The following TRPM1 variants were observed in gnomAD, a reference collection of about 807,000 sequenced individuals.
TRPM1 encodes TRPM1-203 APA Isoform, Intron 10.
In TRPM1, 113 loss-of-function variants were observed where a neutral mutation model predicts 149.4. The observed-to-expected ratio is 0.76, with a 90% CI of 0.65 to 0.88. The LOEUF (loss-of-function observed/expected upper bound fraction) is 0.88, where lower values mean the gene tolerates loss of function less well. TRPM1 is among the 40% of genes least tolerant of loss of function. The probability of loss-of-function intolerance (pLI) is 0.00; values close to 1 mark genes in which losing one functional copy is unlikely to be tolerated. For synonymous variants in TRPM1, 741 were observed against 759.5 expected (o/e 0.98, Z 0.40); for missense variants, 1,976 against 2,038.7 (o/e 0.97, Z 0.59).
chr15:31,045,896 A>C (rs530756050), intron 16 of TRPM1, among the ~76,000 whole-genome samples: 1 of 152,154 alleles, frequency 6.6e-6, no homozygotes, highest in African/African-American at 2.4e-5. Context: ...TAGTCTATTG[A>C]ATTCTTTTTG....
intron 1 of TRPM1, among the ~76,000 whole-genome samples, chr15:31,160,122 G>A (rs1015209922): frequency 5.9e-5 from 9 of 152,176 alleles, no homozygotes; most frequent in African/African-American, 2.2e-4. Context: ...GGTGTGGTCT[G>A]GGCTTGCCTC....
upstream of TRPM1, among the ~76,000 whole-genome samples, chr15:31,103,808 G>A (rs528167426): frequency 2.7e-3 from 245 of 89,666 alleles, no homozygotes; most frequent in Middle Eastern, 0.013. Context: ...GTGAGACTCT[G>A]TATCCAAAAA....
At chr15:31,012,020 T>TC (rs1475928272) in intron 27 of TRPM1, among the ~76,000 whole-genome samples, 5 of 152,132 alleles carry the variant, frequency 3.3e-5, no homozygotes, top group Non-Finnish European at 5.9e-5. Context: ...AGCTCCATCC[T>TC]CCCCCCATGT....
chr15:31,110,374 T>C (rs75476428), intron 1 of TRPM1, among the ~76,000 whole-genome samples: 1 of 152,170 alleles, frequency 6.6e-6, no homozygotes, highest in East Asian at 1.9e-4. Context: ...GGCAAAGACA[T>C]AGAGGTCTAT....
intron 1 of TRPM1, among the ~76,000 whole-genome samples, chr15:31,101,381 C>A (rs1328066431): frequency 1.3e-5 from 2 of 152,204 alleles, no homozygotes; most frequent in Non-Finnish European, 2.9e-5. Context: ...CCTCTTGGAA[C>A]CCAGGCTGAA....
rs372438509 is a variant in TRPM1, at chr15:31,047,933, C to T, written c.1579G>A (p.Gly527Ser). The change falls in exon 14 of 28, where the codon GGT becomes AGT. Residue 527 changes from glycine to serine, a missense_variant. Transcript: ENST00000256552. ...AGCAGATGAAGTGTGTTTGGTGGAC[C>T]CAGTCTCTGAAAGAGAAGCATTCAT... ...RLEELYNTRL[G>S]PPNTLHLLVR... The T allele has an allele frequency of 2.5e-6, 4 of 1,613,740 alleles. No homozygotes were observed. Among genetic ancestry groups the T allele is most frequent in the Non-Finnish European group, 3.4e-6 (4 of 1,179,816 alleles).
chr15:31,099,115 C>A (rs1297844343), intron 1 of TRPM1, among the ~76,000 whole-genome samples: 1 of 152,178 alleles, frequency 6.6e-6, no homozygotes, highest in African/African-American at 2.4e-5. Context: ...AAATCTCTTT[C>A]CTGGACTCTG....
At chr15:31,097,155 C>G (rs977995161) in intron 1 of TRPM1, among the ~76,000 whole-genome samples, 2 of 152,180 alleles carry the variant, frequency 1.3e-5, no homozygotes, top group Non-Finnish European at 2.9e-5. Context: ...CTTATCTAGA[C>G]AAGGTGTGTG....
chr15:31,013,155 T>C (rs542415301), intron 27 of TRPM1, among the ~76,000 whole-genome samples: 1 of 151,702 alleles, frequency 6.6e-6, no homozygotes, highest in Non-Finnish European at 1.5e-5. Context: ...TGCCATGATA[T>C]GCACCACCAT....
At chr15:31,030,601 G>A (rs1165912894) in intron 23 of TRPM1, among the ~76,000 whole-genome samples, 1 of 152,168 alleles carries the variant, frequency 6.6e-6, no homozygotes, top group Non-Finnish European at 1.5e-5. Context: ...AGAAGAGGAT[G>A]GTGGGAAGTA....
Position 31,002,497 on chromosome 15 carries a change from T to C in TRPM1, c.4203A>G (p.Pro1401=), listed in dbSNP as rs1595968009. The C allele has an allele frequency of 1.2e-6, 2 of 1,614,214 alleles. No individual in the cohort carries two copies. The highest frequency in any genetic ancestry group is 1.7e-6 in the Non-Finnish European group (2 of 1,180,026). The change falls in exon 28 of 28, where the codon CCA becomes CCG. Residue 1401 remains proline, a synonymous_variant. Transcript: ENST00000256552. The part of the protein sequence containing the change: ...TDSKKEETIS[P]SLNKTDVIHG... ...GTATCACATCTGTTTTATTTAAACT[T>C]GGGGAAATAGTTTCTTCTTTTTTAG...
chr15:31,137,421 T>C (rs1323458167), intron 1 of TRPM1, among the ~76,000 whole-genome samples: 3 of 152,204 alleles, frequency 2.0e-5, no homozygotes, highest in East Asian at 3.8e-4. Context: ...AGTGGCAAAG[T>C]CTTACTAAAG....
chr15:31,048,867 C>T (rs545028502), intron 13 of TRPM1, among the ~76,000 whole-genome samples: 43 of 152,224 alleles, frequency 2.8e-4, no homozygotes, highest in African/African-American at 9.4e-4. Flanking sequence ...AGGATCATTT[C>T]TGCTACTTAA....
chr15:31,097,118 A>G (rs1231782647), intron 1 of TRPM1, among the ~76,000 whole-genome samples: 5 of 152,210 alleles, frequency 3.3e-5, no homozygotes, highest in African/African-American at 9.7e-5. Context: ...AAATAAAACA[A>G]TTGGGGTCTT....
Position 31,060,526 on chromosome 15 carries a change from G to A in TRPM1, c.1263+18C>T, listed in dbSNP as rs745618858. The A allele has an allele frequency of 4.8e-5, 76 of 1,598,952 alleles. 2 individuals carry two copies. The South Asian group carries it at 6.4e-4, about 13-fold the overall frequency. ...AAAGTCAAGATCAATGATATGAATC[G>A]AAAAAAAACAGTTTCACCGGCCAGT... On this transcript the variant is annotated intron_variant, in intron 11 of 27. Transcript: ENST00000256552.
chr15:31,132,515 C>T (rs936625491), intron 1 of TRPM1, among the ~76,000 whole-genome samples: 5 of 152,192 alleles, frequency 3.3e-5, no homozygotes, highest in African/African-American at 7.2e-5. Context: ...GCTGTGATAA[C>T]GCATATGAAA....
chr15:31,023,059 A>G (rs2032601843), intron 27 of TRPM1, among the ~76,000 whole-genome samples: 1 of 152,234 alleles, frequency 6.6e-6, no homozygotes, highest in Admixed American at 6.5e-5. Flanking sequence ...TCTGGCTCCT[A>G]CTATGTGGAT....
intron 25 of TRPM1, 107 bp downstream of exon 25, chr15:31,028,225 T>G: frequency 2.1e-6 from 3 of 1,459,854 alleles, no homozygotes; most frequent in Non-Finnish European, 2.9e-6. Flanking sequence ...AAAACCCTAA[T>G]GAAATTATCT....
intron 1 of TRPM1, among the ~76,000 whole-genome samples, chr15:31,120,805 G>T (rs2035864420): frequency 6.6e-6 from 1 of 151,528 alleles, no homozygotes; most frequent in African/African-American, 2.4e-5. Flanking sequence ...TAAATAACAG[G>T]AGTCAAAGAA....
Sources: gnomAD v4.1 joint callset for allele counts (sites outside exome capture counted in the v4.1 genomes callset) on GRCh38, gnomAD v4.1.1 for gene constraint, MANE v1.5 for transcripts, NCBI Gene and HGNC (gene_info 2026-07-23, HGNC 2026-07-21) for gene names.